Variants in TMEM201 observed in about 807,000 individuals in gnomAD.
The protein encoded by TMEM201 is transmembrane protein 201, also known as RP13-15M17.2.
A neutral mutation model predicts 63.4 loss-of-function variants in TMEM201; 26 were observed. That is an observed-to-expected ratio of 0.41 (90% confidence interval 0.30 to 0.57). TMEM201 has a LOEUF of 0.57. Among genes scored for constraint, TMEM201 ranks in the 20% least tolerant of loss-of-function variants. The probability of loss-of-function intolerance (pLI) is 0.29; values close to 1 mark genes in which losing one functional copy is unlikely to be tolerated. For synonymous variants in TMEM201, 417 were observed against 421.6 expected, an observed-to-expected ratio of 0.99 and a Z score of 0.14; for missense variants, 794 against 917.7, an observed-to-expected ratio of 0.87 and a Z score of 1.74.
Position 9,610,379 on chromosome 1 carries a change from T to C in TMEM201, c.1466-127T>C. The C allele has an allele frequency of 2.0e-6, 2 of 982,704 alleles. No homozygotes were observed. Among genetic ancestry groups the C allele is most frequent in the Non-Finnish European group, 2.9e-6 (2 of 686,010 alleles). 60.9% of individuals were successfully genotyped at this position (982,704 alleles called of 1,614,324 possible). ...AGCTTTGCAGCAGGACTTCCCCCTG[T>C]CCCCAGTCTCTGCACCTTTCCTGTC... On this transcript the variant is annotated intron_variant, in intron 8 of 10. Transcript: ENST00000340381. The surrounding 1 kb of genome is among the most constrained non-coding windows in gnomAD (Gnocchi z 4.9).
At position 9,611,047 on chromosome 1, in the gene TMEM201, G is replaced by A. The variant is rs745963046; in HGVS notation, c.1765+242G>A. The A allele has an allele frequency of 1.1e-5, 17 of 1,524,626 alleles. No homozygotes were observed. The South Asian group carries it at 2.0e-4, about 18-fold the overall frequency. The allele number at this position is 1,524,626 out of a possible 1,614,324, so 94.4% of individuals were successfully genotyped here. A position where few individuals can be genotyped will look rare whatever the true frequency, so the allele number is the denominator to read the frequency against. On this transcript the variant is annotated intron_variant, in intron 9 of 10. Coordinates refer to ENST00000340381, the MANE Select transcript of TMEM201 (RefSeq NM_001130924.3). Reference sequence around the variant, plus strand: ...TCAGGGTCCTCTGTTTCTTGGAACTGATCGAAAACACATCACGCATTGCCA... The same window carrying A: ...TCAGGGTCCTCTGTTTCTTGGAACTAATCGAAAACACATCACGCATTGCCA...
rs1417053312 is a variant in TMEM201 at position 9,607,810 on chromosome 1, G to C, written c.1393+21G>C. 2 of 1,548,964 alleles carry C rather than the reference G, an allele frequency of 1.3e-6. No homozygotes were observed. The highest frequency in any genetic ancestry group is 3.9e-5 in the Admixed American group (2 of 50,946). On this transcript the variant is annotated intron_variant, in intron 7 of 10. Transcript: ENST00000340381. The surrounding 1 kb of genome is among the most constrained non-coding windows in gnomAD (Gnocchi z 5.4). ...AGCAGGTAAGGGGTGCCCAGGCATT[G>C]GCAGACAGTCAGGGCTAGGGGCAGC...
chr1:9,603,838 G>C lies in TMEM201; in HGVS notation c.1160+1566G>C. The C allele has an allele frequency of 2.0e-6, 2 of 985,450 alleles. No individual in the cohort carries two copies. Among genetic ancestry groups the C allele is most frequent in the Non-Finnish European group, 2.4e-6 (2 of 829,944 alleles). 61.0% of individuals were successfully genotyped at this position (985,450 alleles called of 1,614,324 possible). ...GTGGCCTCTGTGCCCGATGACCTGC[G>C]TGGCTTCAGACAAGGCCCCAGCGTT... is the stretch of plus-strand genomic sequence containing the variant. On this transcript the variant is annotated intron_variant, in intron 6 of 10. Coordinates refer to ENST00000340381, the MANE Select transcript of TMEM201 (RefSeq NM_001130924.3). This position sits in a 1 kb window ranked among gnomAD's most constrained non-coding sequence, Gnocchi z 4.5.
In TMEM201 at chr1:9,603,222, C is replaced by T. The variant is rs1644180192; in HGVS notation, c.1160+950C>T. 1.0e-6 allele frequency: 1 copy of T among 985,378 alleles called. No individual in the cohort carries two copies. The highest frequency in any genetic ancestry group is 4.7e-5 in the South Asian group (1 of 21,286). The allele number at this position is 985,378 out of a possible 1,614,324, so 61.0% of individuals were successfully genotyped here. ...GAGGGGGCAGCCCACAGACCTGCTC[C>T]TCAGTAGCAGGGCCTGGCCAGGCCC... On this transcript the variant is annotated intron_variant, in intron 6 of 10. Coordinates refer to ENST00000340381, the MANE Select transcript of TMEM201 (RefSeq NM_001130924.3). The surrounding 1 kb of genome is among the most constrained non-coding windows in gnomAD (Gnocchi z 4.5).
rs745370346 is a variant in TMEM201, at chr1:9,610,641, A to T, written c.1601A>T (p.Asn534Ile). 1 of 1,550,564 alleles carries T rather than the reference A, an allele frequency of 6.4e-7. No individual in the cohort carries two copies. The highest frequency in any genetic ancestry group is 1.2e-5 in the South Asian group (1 of 84,058). Residue 534 changes from asparagine (N) to isoleucine (I), a missense_variant, in exon 9 of 11, where the codon AAC becomes ATC. Physicochemically the swap from Asn to Ile is moderately radical, Grantham distance 149 (BLOSUM62 -3). Transcript: ENST00000340381. The surrounding 1 kb of genome is among the most constrained non-coding windows in gnomAD (Gnocchi z 4.9). ...RRPLISPARL[N>I]LKGQKLLLFP... Reference sequence around the variant, plus strand: ...CCCCTCATCAGCCCTGCCCGGCTCAACCTGAAGGGACAGAAGCTGCTGCTG... The same window carrying T: ...CCCCTCATCAGCCCTGCCCGGCTCATCCTGAAGGGACAGAAGCTGCTGCTG...
At position 9,611,877 on chromosome 1, in the gene TMEM201, C is replaced by G. The variant is rs4073292; in HGVS notation, c.1890C>G (p.Ala630=). Residue 630 remains alanine, a synonymous_variant, in exon 10 of 11, where the codon GCC becomes GCG. Transcript: ENST00000340381. ...DTTTRGCSEE[A]ATWRGRFGPS... ...CCACCAGGGGCTGCTCGGAGGAGGC[C>G]GCCACCTGGAGAGGTCTGTACCCTG... is the stretch of plus-strand genomic sequence containing the variant. 2 of 1,548,518 alleles carry G rather than the reference C, an allele frequency of 1.3e-6. No individual in the cohort carries two copies. Among genetic ancestry groups the G allele is most frequent in the Admixed American group, 3.9e-5 (2 of 50,688 alleles).
chr1:9,598,196 G>A (rs2100474509), intron 3 of TMEM201, among the ~76,000 whole-genome samples: 1 of 152,358 alleles, frequency 6.6e-6, no homozygotes, highest in East Asian at 1.9e-4. Context: ...TGGAGCAACA[G>A]AACCTTGTTA....
rs756020002 is a variant in TMEM201 at position 9,610,643 on chromosome 1, C to A, written c.1603C>A (p.Leu535Met). 3 of 1,550,582 alleles carry A rather than the reference C, an allele frequency of 1.9e-6. No homozygotes were observed. The highest frequency in any genetic ancestry group is 2.0e-5 in the Admixed American group (1 of 50,986). The stretch of plus-strand genomic sequence containing the variant: ...CCTCATCAGCCCTGCCCGGCTCAAC[C>A]TGAAGGGACAGAAGCTGCTGCTGTT... ...RPLISPARLN[L>M]KGQKLLLFPS... The change falls in exon 9 of 11, where the codon CTG becomes ATG. Residue 535 changes from leucine (L) to methionine (M), a missense_variant. Leu to Met is a conservative substitution (Grantham distance 15). Transcript: ENST00000340381. The surrounding 1 kb of genome is among the most constrained non-coding windows in gnomAD (Gnocchi z 4.9).
Position 9,598,469 on chromosome 1 carries a change from C to T in TMEM201, c.450C>T (p.Val150=), listed in dbSNP as rs145374143. The T allele has an allele frequency of 3.2e-5, 52 of 1,613,336 alleles. No homozygotes were observed. The highest frequency in any genetic ancestry group is 5.3e-5 in the African/African-American group (4 of 74,912). ...CACAGGGCAGGTATGACGAGGAGGT[C>T]GAGGTGTACCGGCATCACCTGGAGC... ...PREEGRYDEE[V]EVYRHHLEQM... is the part of the protein sequence containing the mutation. The change falls in exon 4 of 11, where the codon GTC becomes GTT. Residue 150 remains valine (V), a synonymous_variant. Transcript: ENST00000340381.
At chr1:9,591,562 C>G (rs1417606457) in intron 1 of TMEM201, among the ~76,000 whole-genome samples, 2 of 152,262 alleles carry the variant, frequency 1.3e-5, no homozygotes, top group Non-Finnish European at 2.9e-5. Context: ...GTCCTCAGCC[C>G]TCTTCAAACG....
intron 1 of TMEM201, among the ~76,000 whole-genome samples, chr1:9,594,937 G>A (rs1352536333): frequency 3.3e-5 from 5 of 152,266 alleles, no homozygotes; most frequent in Non-Finnish European, 4.4e-5. Flanking sequence ...TGGACGGGGG[G>A]CCGTCTGTGC....
At position 9,603,893 on chromosome 1, in the gene TMEM201, G is replaced by A. The variant is rs1393901140; in HGVS notation, c.1160+1621G>A. 28 of 985,354 alleles carry A rather than the reference G, an allele frequency of 2.8e-5. No individual in the cohort carries two copies. The highest frequency in any genetic ancestry group is 6.1e-5 in the Admixed American group (1 of 16,266). The allele number at this position is 985,354 out of a possible 1,614,324, so 61.0% of individuals were successfully genotyped here. The stretch of plus-strand genomic sequence containing the variant: ...GGCTCAGCTTGTTGTTCTGTGTGGA[G>A]CGTGAGGTGAGAAAACCCCTCTGAA... On this transcript the variant is annotated intron_variant, in intron 6 of 10. Coordinates refer to ENST00000340381, the MANE Select transcript of TMEM201 (RefSeq NM_001130924.3). This position sits in a 1 kb window ranked among gnomAD's most constrained non-coding sequence, Gnocchi z 4.5.
In TMEM201 at chr1:9,601,215, CT is replaced by C; in HGVS notation, c.719del (p.Phe240SerfsTer113). ...CCGCGCTGTATGGGGCCAGCGGACA[CT>C]TCGCCCCAGGCACCACTGTGCCCCT... is the stretch of plus-strand genomic sequence containing the variant. The part of the protein sequence containing the change: ...TTALYGASGH[F>X]APGTTVPLAL... On this transcript the variant is annotated frameshift_variant, in exon 5 of 11. Transcript: ENST00000340381. LOFTEE classifies it high-confidence loss of function. 1 of 1,612,332 alleles carries C rather than the reference CT, an allele frequency of 6.2e-7. No homozygotes were observed. Among genetic ancestry groups the C allele is most frequent in the South Asian group, 1.1e-5 (1 of 91,072 alleles).
rs1199400961 is a variant in TMEM201, at chr1:9,604,393, T to C, written c.1160+2121T>C. The C allele has an allele frequency of 3.2e-5, 32 of 985,302 alleles. No homozygotes were observed. Among genetic ancestry groups the C allele is most frequent in the Non-Finnish European group, 3.9e-5 (32 of 829,932 alleles). 61.0% of individuals were successfully genotyped at this position (985,302 alleles called of 1,614,324 possible). A position where few individuals can be genotyped will look rare whatever the true frequency, so the allele number is the denominator to read the frequency against. ...GAGGATTCCTGCCTTTCGTAGAGTTTTGTGTGACTTTTTAAATTATTCATG... is the reference window on the plus strand; with the variant it reads ...GAGGATTCCTGCCTTTCGTAGAGTTCTGTGTGACTTTTTAAATTATTCATG... On this transcript the variant is annotated intron_variant, in intron 6 of 10. Coordinates refer to ENST00000340381, the MANE Select transcript of TMEM201 (RefSeq NM_001130924.3). This position sits in a 1 kb window ranked among gnomAD's most constrained non-coding sequence, Gnocchi z 4.1.
chr1:9,602,833 T>C, intron 6 of TMEM201: 6 of 986,254 alleles, frequency 6.1e-6, no homozygotes, highest in Non-Finnish European at 7.2e-6. Flanking sequence ...CCCTTGGTCC[T>C]GCTTATGGCT....
intron 1 of TMEM201, among the ~76,000 whole-genome samples, chr1:9,591,618 C>T (rs1010621078): frequency 2.6e-5 from 4 of 152,268 alleles, no homozygotes; most frequent in African/African-American, 7.2e-5. Flanking sequence ...CACACACCAC[C>T]GCCCCGCCTC....
chr1:9,598,698 CACTAGTG>C, intron 4 of TMEM201, 73 bp downstream of exon 4: 1 of 1,459,110 alleles, frequency 6.9e-7, no homozygotes. Flanking sequence ...GGAGGCTGGG[CACTAGTG>C]ACCAGAGGGT....
In TMEM201 at chr1:9,597,015, A is replaced by G. The variant is rs766605777; in HGVS notation, c.391A>G (p.Lys131Glu). The change falls in exon 3 of 11, where the codon AAG becomes GAG. Residue 131 changes from lysine to glutamate, a missense_variant. By Grantham distance (56) the Lys-to-Glu change is moderately conservative (BLOSUM62 1). Transcript: ENST00000340381. Reference protein sequence around the residue: ...CKRCNHHQTTKIKQLAAFAPR... With the variant: ...CKRCNHHQTTEIKQLAAFAPR... ...GAGGTGCAACCACCACCAGACCACC[A>G]AGATCAAGCAGCTGGCCGCCTTCGC... is the stretch of plus-strand genomic sequence containing the variant. 1 of 1,610,346 alleles carries G rather than the reference A, an allele frequency of 6.2e-7. No homozygotes were observed. Among genetic ancestry groups the G allele is most frequent in the African/African-American group, 1.3e-5 (1 of 74,988 alleles).
Position 9,603,262 on chromosome 1 carries a change from C to T in TMEM201, c.1160+990C>T. 7.1e-6 allele frequency: 7 copies of T among 985,118 alleles called. No homozygotes were observed. Among genetic ancestry groups the T allele is most frequent in the Non-Finnish European group, 8.4e-6 (7 of 829,620 alleles). The allele number at this position is 985,118 out of a possible 1,614,324, so 61.0% of individuals were successfully genotyped here. On this transcript the variant is annotated intron_variant, in intron 6 of 10. Coordinates refer to ENST00000340381, the MANE Select transcript of TMEM201 (RefSeq NM_001130924.3). The surrounding 1 kb of genome is among the most constrained non-coding windows in gnomAD (Gnocchi z 4.5). The stretch of plus-strand genomic sequence containing the variant: ...TGGCCAGGCCCCTGCTGTTCTCAGC[C>T]TCAGTTTGCCATCTATGAAATGAGG...
Sources: gnomAD v4.1 joint callset for allele counts (sites outside exome capture counted in the v4.1 genomes callset) on GRCh38, gnomAD v4.1.1 for gene constraint, Gnocchi (gnomAD v3.1) non-coding constraint, MANE v1.5 for transcripts, NCBI Gene and HGNC (gene_info 2026-07-23, HGNC 2026-07-21) for gene names.